RBFOX1: variants seen among roughly 807,000 people sequenced by gnomAD.
RBFOX1 encodes RNA binding fox-1 homolog 1.
A neutral mutation model predicts 57.7 loss-of-function variants in RBFOX1; 8 were observed. The observed-to-expected ratio is 0.14, with a 90% CI of 0.08 to 0.25. RBFOX1 has a LOEUF of 0.25. Ranked by LOEUF, RBFOX1 falls within the 10% of genes least tolerant of loss-of-function variation. RBFOX1 has a pLI of 1.00. For synonymous variants in RBFOX1, 326 were observed against 222.4 expected, an observed-to-expected ratio of 1.47 and a Z score of -4.15; for missense variants, 611 against 548.5, an observed-to-expected ratio of 1.11 and a Z score of -1.14.
intron 11 of RBFOX1, among the ~76,000 whole-genome samples, chr16:7,634,946 C>G (rs1383696209): frequency 6.6e-6 from 1 of 152,170 alleles, no homozygotes; most frequent in African/African-American, 2.4e-5. Context: ...AATAGGCTTT[C>G]AATAGAAACA....
chr16:7,188,216 G>A (rs970383919), intron 4 of RBFOX1, among the ~76,000 whole-genome samples: 2 of 152,220 alleles, frequency 1.3e-5, no homozygotes, highest in Non-Finnish European at 2.9e-5. Context: ...CTGAGCCTGT[G>A]TGCATTCTGC....
chr16:5,824,916 T>C (rs1376537797), intron 3 of RBFOX1, among the ~76,000 whole-genome samples: 1 of 152,192 alleles, frequency 6.6e-6, no homozygotes, highest in Non-Finnish European at 1.5e-5. Context: ...ACTAGATGTT[T>C]CATACTGGCT....
At chr16:7,586,510 T>A (rs2094135119) in intron 6 of RBFOX1, among the ~76,000 whole-genome samples, 1 of 152,218 alleles carries the variant, frequency 6.6e-6, no homozygotes. Flanking sequence ...TATAAGTATG[T>A]CCCAAATGTT....
intron 10 of RBFOX1, among the ~76,000 whole-genome samples, chr16:7,626,540 A>T (rs1394890333): frequency 6.6e-6 from 1 of 152,206 alleles, no homozygotes; most frequent in African/African-American, 2.4e-5. Context: ...GGTCTGTCCC[A>T]TGGAGCCAAA....
rs78820028 is a variant in RBFOX1, at chr16:6,654,389, A to G, written c.-63-214A>G. Among the ~76,000 whole-genome samples, 263 of 152,314 alleles carry G rather than the reference A, an allele frequency of 1.7e-3. 1 individual carries two copies. The highest frequency in any genetic ancestry group is 5.8e-3 in the African/African-American group (242 of 41,568). ...ACATTCCACATCTGCATGTAATAAA[A>G]CTTACTTATGAGATACATATGTCTC... On this transcript the variant is annotated intron_variant, in intron 2 of 15. Coordinates refer to ENST00000550418, the MANE Select transcript of RBFOX1 (RefSeq NM_018723.4).
At chr16:6,855,956 A>G (rs2057808879) in intron 3 of RBFOX1, among the ~76,000 whole-genome samples, 1 of 150,350 alleles carries the variant, frequency 6.7e-6, no homozygotes, top group Non-Finnish European at 1.5e-5. Flanking sequence ...GGGCTCTGTC[A>G]TTTGTACCCA....
At chr16:7,656,865 A>C (rs1023748393) in intron 12 of RBFOX1, among the ~76,000 whole-genome samples, 1 of 152,198 alleles carries the variant, frequency 6.6e-6, no homozygotes. Context: ...TGTTTACAGA[A>C]GGCATCCCAG....
chr16:5,754,645 C>G (rs1383772748), intron 3 of RBFOX1, among the ~76,000 whole-genome samples: 2 of 116,842 alleles, frequency 1.7e-5, no homozygotes, highest in Non-Finnish European at 1.7e-5. Context: ...CAGACAAACA[C>G]GTGAACAAAG....
At chr16:7,066,765 C>G (rs1196075162) in intron 4 of RBFOX1, among the ~76,000 whole-genome samples, 1 of 152,024 alleles carries the variant, frequency 6.6e-6, no homozygotes, top group Admixed American at 6.6e-5. Context: ...CCAGGGTTTT[C>G]CAGGGAGAAA....
chr16:6,267,914 C>T (rs1285399932), intron 1 of RBFOX1, among the ~76,000 whole-genome samples: 1 of 152,146 alleles, frequency 6.6e-6, no homozygotes, highest in East Asian at 1.9e-4. Flanking sequence ...TCCCAAACTG[C>T]TAAGGTCAGC....
intron 2 of RBFOX1, among the ~76,000 whole-genome samples, chr16:6,585,431 T>A (rs1388735610): frequency 2.0e-5 from 3 of 152,234 alleles, no homozygotes; most frequent in African/African-American, 7.2e-5. Context: ...TAAGGTTGAC[T>A]TGTATTCTCG....
In RBFOX1 at chr16:7,211,629, G is replaced by C. The variant is rs143722683; in HGVS notation, c.27+159531G>C. 4.6e-3 allele frequency among the ~76,000 whole-genome samples: 702 copies of C among 152,236 alleles called. 5 individuals carry two copies. Among genetic ancestry groups the C allele is most frequent in the African/African-American group, 0.016 (678 of 41,532 alleles). Reference sequence around the variant, plus strand: ...ATCTAGAGGCACACCTAGTAAGCAAGGGTAATGTATTGCATTTCCAGGAGA... The same window carrying C: ...ATCTAGAGGCACACCTAGTAAGCAACGGTAATGTATTGCATTTCCAGGAGA... On this transcript the variant is annotated intron_variant, in intron 4 of 15. Coordinates refer to ENST00000550418, the MANE Select transcript of RBFOX1 (RefSeq NM_018723.4).
intron 3 of RBFOX1, among the ~76,000 whole-genome samples, chr16:6,748,108 A>T (rs2074150384): frequency 6.6e-6 from 1 of 152,100 alleles, no homozygotes; most frequent in African/African-American, 2.4e-5. Flanking sequence ...TGTAATTATT[A>T]TCTGGTAGGA....
intron 2 of RBFOX1, among the ~76,000 whole-genome samples, chr16:6,559,518 G>A (rs2097151602): frequency 6.6e-6 from 1 of 152,038 alleles, no homozygotes; most frequent in Non-Finnish European, 1.5e-5. Context: ...TTCATGTTGA[G>A]GAAATGGGAA....
At chr16:6,025,018 C>T (rs778212176) in intron 1 of RBFOX1, among the ~76,000 whole-genome samples, 2 of 152,176 alleles carry the variant, frequency 1.3e-5, no homozygotes, top group Non-Finnish European at 2.9e-5. Flanking sequence ...GAAGGTTGGT[C>T]CTATAGGCCC....
At chr16:7,449,184 C>T (rs1237964652) in intron 4 of RBFOX1, among the ~76,000 whole-genome samples, 2 of 152,126 alleles carry the variant, frequency 1.3e-5, no homozygotes, top group Non-Finnish European at 2.9e-5. Context: ...CTGCCCTAGC[C>T]TCCCAAAGTG....
At chr16:7,320,931 G>A (rs562819016) in intron 4 of RBFOX1, among the ~76,000 whole-genome samples, 3 of 152,292 alleles carry the variant, frequency 2.0e-5, no homozygotes, top group African/African-American at 4.8e-5. Flanking sequence ...GGGATTTTCA[G>A]AGCCCAAATT....
intron 3 of RBFOX1, among the ~76,000 whole-genome samples, chr16:6,711,748 C>G (rs548744180): frequency 1.4e-3 from 218 of 152,264 alleles, no homozygotes; most frequent in African/African-American, 5.0e-3. Flanking sequence ...CTCACTGAGC[C>G]CATCCTGTCT....
At chr16:6,809,848 A>G (rs750694428) in intron 3 of RBFOX1, among the ~76,000 whole-genome samples, 18 of 152,138 alleles carry the variant, frequency 1.2e-4, no homozygotes, top group Middle Eastern at 6.3e-3. Flanking sequence ...TACCAAGTGT[A>G]ATTCACCAGT....
Sources: gnomAD v4.1 joint callset for allele counts (sites outside exome capture counted in the v4.1 genomes callset) on GRCh38, gnomAD v4.1.1 for gene constraint, MANE v1.5 for transcripts, NCBI Gene and HGNC (gene_info 2026-07-23, HGNC 2026-07-21) for gene names.